Variants in SBNO2 observed in about 807,000 individuals in gnomAD.
SBNO2 encodes the protein strawberry notch homolog 2.
SBNO2 carries 89 observed loss-of-function variants against 146.3 expected under a neutral mutation model. The ratio of observed to expected loss-of-function variants is 0.61; its 90% confidence interval spans 0.51 to 0.73. SBNO2 has a LOEUF of 0.73. Among genes scored for constraint, SBNO2 ranks in the 30% least tolerant of loss-of-function variants. The probability of loss-of-function intolerance (pLI) is 0.00; values close to 1 mark genes in which losing one functional copy is unlikely to be tolerated. For missense variants in SBNO2, 2,092 were observed against 2,003.7 expected (o/e 1.04, Z -0.84); for synonymous variants, 1,147 against 892.6 (o/e 1.29, Z -5.08).
At position 1,136,769 on chromosome 19, in the gene SBNO2, C is replaced by A. The variant is rs182165924; in HGVS notation, c.280-9004G>T. 7.2e-5 allele frequency among the ~76,000 whole-genome samples: 11 copies of A among 152,318 alleles called. No homozygotes were observed. Among genetic ancestry groups the A allele is most frequent in the Admixed American group, 6.5e-4 (10 of 15,302 alleles). The stretch of plus-strand genomic sequence containing the variant: ...CTGCAGAACAGTCAATGCTGCCTGC[C>A]TCCCTGCCTGAAAGCAGCCAGAGTT... On this transcript the variant is annotated intron_variant, in intron 4 of 31. Coordinates refer to ENST00000361757, the MANE Select transcript of SBNO2 (RefSeq NM_014963.3). The surrounding 1 kb of genome is among the most constrained non-coding windows in gnomAD (Gnocchi z 4.2).
At chr19:1,128,260 G>T (rs528987545) in intron 4 of SBNO2, 1 of 480,850 alleles carries the variant, frequency 2.1e-6, no homozygotes, top group Admixed American at 2.2e-5. Flanking sequence ...TGAGCAGCTC[G>T]GGTCTGGGGT....
Position 1,112,911 on chromosome 19 carries a change from G to A in SBNO2, c.2286C>T (p.Asp762=), listed in dbSNP as rs777370180. 52 of 1,568,362 alleles carry A rather than the reference G, an allele frequency of 3.3e-5. No individual in the cohort carries two copies. Among genetic ancestry groups the A allele is most frequent in the East Asian group, 7.1e-5 (3 of 41,996 alleles). Residue 762 remains aspartate, a synonymous_variant, in exon 20 of 32, where the codon GAC becomes GAT. Transcript: ENST00000361757. The surrounding 1 kb of genome is among the most constrained non-coding windows in gnomAD (Gnocchi z 5.9). ...GRKGRVVSRP[D]GTVAFESRAE... ...CCCGCGACTCGAAGGCCACCGTCCC[G>A]TCGGGCCTGGACACCACGCGGCCTT...
intron 1 of SBNO2, among the ~76,000 whole-genome samples, chr19:1,160,797 T>C (rs1269221121): frequency 1.3e-5 from 2 of 152,118 alleles, no homozygotes; most frequent in Non-Finnish European, 2.9e-5. Context: ...CCCAAAGTGC[T>C]GGAATTACAG....
chr19:1,131,266 T>C (rs963997629), intron 4 of SBNO2, among the ~76,000 whole-genome samples: 3 of 152,030 alleles, frequency 2.0e-5, no homozygotes, highest in Non-Finnish European at 4.4e-5. Flanking sequence ...CCCTCTGCAG[T>C]CTGTAGTGAG....
rs1202469000 is a variant in SBNO2, at chr19:1,109,118, C to G, written c.3425+17G>C. 1.3e-6 allele frequency: 2 copies of G among 1,548,410 alleles called. No homozygotes were observed. The highest frequency in any genetic ancestry group is 2.4e-5 in the East Asian group (1 of 40,980). On this transcript the variant is annotated intron_variant, in intron 30 of 31. Transcript: ENST00000361757. This position sits in a 1 kb window ranked among gnomAD's most constrained non-coding sequence, Gnocchi z 4.2. ...CGCCATCTGCCGGTTTCCCCCTGGT[C>G]CCCGGCCCGCCCTCACCAGGCGCTG...
chr19:1,165,529 G>T (rs908464506), intron 1 of SBNO2, among the ~76,000 whole-genome samples: 12 of 152,128 alleles, frequency 7.9e-5, no homozygotes, highest in African/African-American at 2.9e-4. Flanking sequence ...CCCAAGCCAG[G>T]AATGTGAGGC....
chr19:1,132,317 G>A (rs962945638), intron 4 of SBNO2: 2 of 1,296,682 alleles, frequency 1.5e-6, no homozygotes, highest in South Asian at 2.2e-5. Context: ...CTAAGGCCGG[G>A]GCTGACTTTC....
intron 1 of SBNO2, among the ~76,000 whole-genome samples, chr19:1,163,252 A>T (rs1410790465): frequency 1.3e-5 from 2 of 152,134 alleles, no homozygotes; most frequent in African/African-American, 4.8e-5. Flanking sequence ...TCCTTAAGAG[A>T]AAAGAGGAAC....
chr19:1,132,111 C>T, intron 4 of SBNO2: 1 of 1,538,356 alleles, frequency 6.5e-7, no homozygotes. Context: ...CCTCAAACTG[C>T]AGCCACAGCT....
At chr19:1,130,460 C>CGT (rs2080016121) in intron 4 of SBNO2, among the ~76,000 whole-genome samples, 1 of 152,034 alleles carries the variant, frequency 6.6e-6, no homozygotes, top group South Asian at 2.1e-4. Flanking sequence ...CCACTGCACG[C>CGT]CAGCCTGGGA....
intron 4 of SBNO2, among the ~76,000 whole-genome samples, chr19:1,135,219 G>A (rs895478052): frequency 6.6e-6 from 1 of 151,980 alleles, no homozygotes; most frequent in Non-Finnish European, 1.5e-5. Flanking sequence ...AAAACCAGCT[G>A]CGCATGGTGG....
chr19:1,132,467 A>G (rs1447349892), intron 4 of SBNO2, among the ~76,000 whole-genome samples: 5 of 152,190 alleles, frequency 3.3e-5, no homozygotes, highest in Non-Finnish European at 7.4e-5. Flanking sequence ...CCTTTGGGGC[A>G]CCCGGCGGAC....
intron 7 of SBNO2, 84 bp from the exon 8 acceptor site, chr19:1,123,129 G>A (rs2079923820): frequency 1.3e-6 from 2 of 1,486,964 alleles, no homozygotes; most frequent in Non-Finnish European, 1.8e-6. Context: ...GGCGGGTCTG[G>A]GGCGTGGCCA....
intron 4 of SBNO2, among the ~76,000 whole-genome samples, chr19:1,133,153 G>A (rs1381243077): frequency 2.0e-5 from 3 of 152,150 alleles, no homozygotes; most frequent in East Asian, 1.9e-4. Context: ...AGGACGGCCG[G>A]GCTGTGGAGA....
At chr19:1,132,984 C>T (rs2080048426) in intron 4 of SBNO2, among the ~76,000 whole-genome samples, 1 of 152,224 alleles carries the variant, frequency 6.6e-6, no homozygotes, top group African/African-American at 2.4e-5. Context: ...CGAGCCCGCC[C>T]GCGGCCACAC....
intron 1 of SBNO2, among the ~76,000 whole-genome samples, chr19:1,155,545 G>A (rs940119219): frequency 3.3e-5 from 5 of 152,214 alleles, no homozygotes; most frequent in African/African-American, 9.6e-5. Flanking sequence ...CGGCCCTTTA[G>A]GGGAAGGGAC....
At chr19:1,121,743 G>A (rs771635020) in intron 11 of SBNO2, among the ~76,000 whole-genome samples, 4 of 152,180 alleles carry the variant, frequency 2.6e-5, no homozygotes, top group Non-Finnish European at 5.9e-5. Context: ...GAGCAGCTCA[G>A]TGGCCACCCT....
At chr19:1,152,380 C>T (rs181720035) in intron 2 of SBNO2, among the ~76,000 whole-genome samples, 194 of 152,308 alleles carry the variant, frequency 1.3e-3, no homozygotes, top group Admixed American at 3.9e-3. Flanking sequence ...CCCCTCCCTC[C>T]TGGATTAGTC....
intron 1 of SBNO2, among the ~76,000 whole-genome samples, chr19:1,172,769 A>C (rs1293399414): frequency 6.2e-3 from 341 of 55,350 alleles, no homozygotes; most frequent in African/African-American, 0.011. Context: ...TAAAACACTC[A>C]CTGCAACCGC....
Sources: gnomAD v4.1 joint callset for allele counts (sites outside exome capture counted in the v4.1 genomes callset) on GRCh38, gnomAD v4.1.1 for gene constraint, Gnocchi (gnomAD v3.1) non-coding constraint, MANE v1.5 for transcripts, NCBI Gene and HGNC (gene_info 2026-07-23, HGNC 2026-07-21) for gene names.